PTBP2: variants seen among roughly 807,000 people sequenced by gnomAD.
The protein encoded by PTBP2 is polypyrimidine tract binding protein 2, also known as polypyrimidine tract-binding protein 2.
Under a neutral mutation model 61.4 loss-of-function variants are expected in PTBP2, and 13 were observed. That is an observed-to-expected ratio of 0.21 (90% confidence interval 0.14 to 0.34). The LOEUF (loss-of-function observed/expected upper bound fraction) is 0.34. Ranked by LOEUF, PTBP2 falls within the 10% of genes least tolerant of loss-of-function variation. PTBP2 has a pLI of 1.00. For missense variants in PTBP2, 405 were observed against 642.6 expected, an observed-to-expected ratio of 0.63 and a Z score of 4.00; for synonymous variants, 215 against 218.5, an observed-to-expected ratio of 0.98 and a Z score of 0.14.
chr1:96,802,211 G>GAAAAAA (rs5776325), intron 8 of PTBP2, among the ~76,000 whole-genome samples: 3 of 54,006 alleles, frequency 5.6e-5, no homozygotes, highest in African/African-American at 1.6e-4. Context: ...ACTCCGTCTC[G>GAAAAAA]AAAAAAAAAA....
intron 8 of PTBP2, among the ~76,000 whole-genome samples, chr1:96,799,570 T>C (rs1660771235): frequency 6.6e-6 from 1 of 152,150 alleles, no homozygotes; most frequent in Non-Finnish European, 1.5e-5. Context: ...CATCAACATG[T>C]GTAAACAGTT....
rs1351869210 is a variant in PTBP2, at chr1:96,814,265, C to G, written c.*860C>G. 6.6e-6 allele frequency: 1 copy of G among 152,422 alleles called. No homozygotes were observed. The highest frequency in any genetic ancestry group is 1.5e-5 in the Non-Finnish European group (1 of 67,956). The allele number at this position is 152,422 out of a possible 1,614,324, so 9.4% of individuals were successfully genotyped here. ...CGTGCATTTAAATATATATTGCCAT[C>G]CTTAGTTTGTAATTAAGATTTGGAA... On this transcript the variant is annotated 3_prime_UTR_variant, in exon 14 of 14. Coordinates refer to ENST00000674951, the MANE Select transcript of PTBP2 (RefSeq NM_021190.4).
chr1:96,722,009 G>A (rs1349919274), intron 1 of PTBP2, 137 bp downstream of exon 1: 8 of 1,115,368 alleles, frequency 7.2e-6, no homozygotes, highest in Non-Finnish European at 1.0e-5. Context: ...CCGCCCCATC[G>A]CACACACCCC....
chr1:96,745,755 G>T (rs1393817339), intron 2 of PTBP2, among the ~76,000 whole-genome samples: 1 of 151,924 alleles, frequency 6.6e-6, no homozygotes, highest in South Asian at 2.1e-4. Context: ...TGGGTTGATG[G>T]ACATTTGAAT....
At chr1:96,810,875 G>A (rs1294144599) in intron 11 of PTBP2, among the ~76,000 whole-genome samples, 1 of 152,118 alleles carries the variant, frequency 6.6e-6, no homozygotes, top group Non-Finnish European at 1.5e-5. Context: ...GGTTTTACAG[G>A]TGTAAGCGTA....
rs565454299 is a variant in PTBP2 at position 96,751,938 on chromosome 1, A to G, written c.115+438A>G. On this transcript the variant is annotated intron_variant, in intron 3 of 13. Transcript: ENST00000674951. ...TAAAACCATTGCAACCATAGTTGCT[A>G]TGGTTTTAACTAATTTTTTGCTGAA... is the stretch of plus-strand genomic sequence containing the variant. Among the ~76,000 whole-genome samples, 8 of 152,172 alleles carry G rather than the reference A, an allele frequency of 5.3e-5. No individual in the cohort carries two copies. In the East Asian group the frequency reaches 1.5e-3, roughly 29 times the overall value.
At chr1:96,776,617 A>AGGT (rs1658075509) in intron 5 of PTBP2, among the ~76,000 whole-genome samples, 1 of 151,956 alleles carries the variant, frequency 6.6e-6, no homozygotes. Flanking sequence ...ACCTATGTAT[A>AGGT]GGTATTTGTG....
At chr1:96,726,074 C>CAAAAAAAAAAAAAAAAAAA (rs762152365) in intron 2 of PTBP2, among the ~76,000 whole-genome samples, 1 of 54,216 alleles carries the variant, frequency 1.8e-5, no homozygotes, top group African/African-American at 7.7e-5. Flanking sequence ...GACTCTATCT[C>CAAAAAAAAAAAAAAAAAAA]AAAAAAAAAA....
chr1:96,739,793 A>G (rs536536574), intron 2 of PTBP2, among the ~76,000 whole-genome samples: 30 of 150,538 alleles, frequency 2.0e-4, no homozygotes, highest in African/African-American at 6.8e-4. Context: ...TTTTGTATAT[A>G]TATATATATT....
intron 8 of PTBP2, among the ~76,000 whole-genome samples, chr1:96,797,745 C>A (rs1557766035): frequency 6.6e-6 from 1 of 152,064 alleles, no homozygotes; most frequent in Non-Finnish European, 1.5e-5. Context: ...CTTATATTAC[C>A]CAGTACAATA....
At chr1:96,762,665 G>A (rs1172055479) in intron 3 of PTBP2, among the ~76,000 whole-genome samples, 4 of 148,330 alleles carry the variant, frequency 2.7e-5, no homozygotes, top group Admixed American at 1.3e-4. Context: ...CTGGCCGGGC[G>A]GGGGTCTGAC....
intron 12 of PTBP2, 34 bp from the exon 13 acceptor site, chr1:96,812,995 A>G (rs777660070): frequency 1.3e-5 from 20 of 1,596,576 alleles, no homozygotes; most frequent in Non-Finnish European, 1.6e-5. Flanking sequence ...TTTATTCTTA[A>G]TCTTCACTTT....
intron 2 of PTBP2, among the ~76,000 whole-genome samples, chr1:96,725,123 A>C (rs1337652301): frequency 2.0e-5 from 3 of 152,182 alleles, no homozygotes; most frequent in African/African-American, 4.8e-5. Flanking sequence ...TAGATGTTGT[A>C]GGTTCCATCC....
intron 2 of PTBP2, among the ~76,000 whole-genome samples, chr1:96,739,103 AAT>A (rs1652625743): frequency 6.6e-6 from 1 of 152,164 alleles, no homozygotes; most frequent in Non-Finnish European, 1.5e-5. Flanking sequence ...AGTGTACCAA[AAT>A]AGAGTAGTTT....
In PTBP2 at chr1:96,814,288, G is replaced by C. The variant is rs1325305037; in HGVS notation, c.*883G>C. The C allele has an allele frequency of 6.6e-6, 1 of 152,488 alleles. No individual in the cohort carries two copies. Among genetic ancestry groups the C allele is most frequent in the Non-Finnish European group, 1.5e-5 (1 of 67,952 alleles). The allele number at this position is 152,488 out of a possible 1,614,324, so 9.4% of individuals were successfully genotyped here. A position where few individuals can be genotyped will look rare whatever the true frequency, so the allele number is the denominator to read the frequency against. ...ATCCTTAGTTTGTAATTAAGATTTG[G>C]AATATGGTTGTGGATTTCTGAGCAT... On this transcript the variant is annotated 3_prime_UTR_variant, in exon 14 of 14. Coordinates refer to ENST00000674951, the MANE Select transcript of PTBP2 (RefSeq NM_021190.4).
At chr1:96,753,107 A>G (rs1570793708) in intron 3 of PTBP2, among the ~76,000 whole-genome samples, 1 of 152,186 alleles carries the variant, frequency 6.6e-6, no homozygotes, top group Non-Finnish European at 1.5e-5. Flanking sequence ...AGAATTTAGT[A>G]TGGTCATTTC....
In PTBP2 at chr1:96,813,435, C is replaced by T. The variant is rs368929473; in HGVS notation, c.*30C>T. On this transcript the variant is annotated 3_prime_UTR_variant, in exon 14 of 14. Transcript: ENST00000674951. Reference sequence around the variant, plus strand: ...GGGAAGATGAAGATTGGGGGTGAATCACATTGTTCAATGTCATCACCTATT... The same window carrying T: ...GGGAAGATGAAGATTGGGGGTGAATTACATTGTTCAATGTCATCACCTATT... 2 of 1,544,598 alleles carry T rather than the reference C, an allele frequency of 1.3e-6. No homozygotes were observed. The highest frequency in any genetic ancestry group is 8.8e-7 in the Non-Finnish European group (1 of 1,141,146).
chr1:96,727,266 ATGGCTAT>A (rs1448706599), intron 2 of PTBP2, among the ~76,000 whole-genome samples: 2 of 152,188 alleles, frequency 1.3e-5, no homozygotes, highest in Non-Finnish European at 2.9e-5. Flanking sequence ...AGTACACTTT[ATGGCTAT>A]ACAGCAATTT....
At chr1:96,746,074 AC>A (rs769850231) in intron 2 of PTBP2, among the ~76,000 whole-genome samples, 105 of 146,036 alleles carry the variant, frequency 7.2e-4, no homozygotes, top group East Asian at 4.9e-3. Flanking sequence ...TCAAAAACAA[AC>A]AAAAAAAAAC....
Sources: gnomAD v4.1 joint callset for allele counts (sites outside exome capture counted in the v4.1 genomes callset) on GRCh38, gnomAD v4.1.1 for gene constraint, MANE v1.5 for transcripts, NCBI Gene and HGNC (gene_info 2026-07-23, HGNC 2026-07-21) for gene names.